CFAP300: variants seen among roughly 807,000 people sequenced by gnomAD.
CFAP300 encodes cilia and flagella associated protein 300, also known as cilia- and flagella-associated protein 300.
Under a neutral mutation model 33.0 loss-of-function variants are expected in CFAP300, and 32 were observed. That is an observed-to-expected ratio of 0.97 (90% CI 0.73 to 1.30). The LOEUF is 1.30. Ranked by LOEUF, CFAP300 falls within the 50% of genes most tolerant of loss-of-function variation. The pLI is 0.00. For missense variants in CFAP300, 356 were observed against 318.1 expected (o/e 1.12, Z -0.90); for synonymous variants, 102 against 106.8 (o/e 0.95, Z 0.28).
intron 6 of CFAP300, among the ~76,000 whole-genome samples, chr11:102,082,680 C>G (rs1942491495): frequency 6.6e-6 from 1 of 152,126 alleles, no homozygotes; most frequent in African/African-American, 2.4e-5. Context: ...TATTGATTAT[C>G]ACTTAAATGT....
chr11:102,066,489 T>C lies in CFAP300; in HGVS notation c.273T>C (p.Thr91=). 2 of 1,584,686 alleles carry C rather than the reference T, an allele frequency of 1.3e-6. No homozygotes were observed. The highest frequency in any genetic ancestry group is 1.2e-5 in the South Asian group (1 of 83,024). ...DSSGQWIILG[T]EVKKIEAINV... is the part of the protein sequence containing the mutation. ...TTATAAAATATCTTTTTTCAGGAACTGAAGTGAAAAAAATTGAAGCTATAA... is the reference window on the plus strand; with the variant it reads ...TTATAAAATATCTTTTTTCAGGAACCGAAGTGAAAAAAATTGAAGCTATAA... Residue 91 remains threonine (T), a synonymous_variant, in exon 4 of 7, where the codon ACT becomes ACC. Coordinates refer to ENST00000434758, the MANE Select transcript of CFAP300 (RefSeq NM_032930.3).
chr11:102,077,129 T>C (rs1942406725), intron 5 of CFAP300, among the ~76,000 whole-genome samples: 1 of 152,112 alleles, frequency 6.6e-6, no homozygotes, highest in African/African-American at 2.4e-5. Flanking sequence ...CACATACTAC[T>C]ACCACTACTA....
intron 4 of CFAP300, among the ~76,000 whole-genome samples, chr11:102,071,269 A>G (rs567734828): frequency 2.0e-5 from 3 of 152,234 alleles, no homozygotes; most frequent in African/African-American, 7.2e-5. Flanking sequence ...AATTGACCCC[A>G]TTAGCATTAT....
At chr11:102,069,046 T>A (rs528953984) in intron 4 of CFAP300, among the ~76,000 whole-genome samples, 12 of 152,252 alleles carry the variant, frequency 7.9e-5, no homozygotes, top group South Asian at 4.2e-4. Flanking sequence ...ACATTTTTTT[T>A]AAAAAAGAAG....
chr11:102,051,808 C>A (rs1941976246), intron 2 of CFAP300, among the ~76,000 whole-genome samples: 1 of 152,184 alleles, frequency 6.6e-6, no homozygotes, highest in Non-Finnish European at 1.5e-5. Context: ...CTCAGCCTCC[C>A]AAAGTGCTGG....
chr11:102,074,280 G>C (rs1942364094), intron 4 of CFAP300, among the ~76,000 whole-genome samples: 1 of 152,192 alleles, frequency 6.6e-6, no homozygotes, highest in Non-Finnish European at 1.5e-5. Context: ...GTGGTCTCCA[G>C]GCAGCTGCCT....
intron 3 of CFAP300, among the ~76,000 whole-genome samples, chr11:102,061,257 C>T (rs1447395133): frequency 1.3e-5 from 2 of 152,170 alleles, no homozygotes; most frequent in Non-Finnish European, 2.9e-5. Flanking sequence ...TCCACTAGCT[C>T]ATTTTTATCT....
chr11:102,082,249 G>A (rs755049130), intron 6 of CFAP300, among the ~76,000 whole-genome samples: 3 of 151,894 alleles, frequency 2.0e-5, no homozygotes, highest in South Asian at 2.1e-4. Flanking sequence ...GGTGGGAGAC[G>A]CCTGTAATCC....
At chr11:102,065,637 C>T (rs750186847) in intron 3 of CFAP300, among the ~76,000 whole-genome samples, 136 of 151,864 alleles carry the variant, frequency 9.0e-4, no homozygotes, top group Non-Finnish European at 1.3e-3. Context: ...CATGGTGGCA[C>T]ATGCCTGTAA....
chr11:102,047,545 G>A lies in CFAP300; in HGVS notation c.75G>A (p.Leu25=). The A allele has an allele frequency of 6.5e-7, 1 of 1,536,024 alleles. No individual in the cohort carries two copies. ...RFLPQKTFQS[L]SSKEITSRLR... ...TGCCTCAGAAAACCTTCCAGTCTCT[G>A]AGCTCTAAGGAGATCACCAGCCGGC... Residue 25 remains leucine (L), a synonymous_variant, in exon 1 of 7, where the codon CTG becomes CTA. Coordinates refer to ENST00000434758, the MANE Select transcript of CFAP300 (RefSeq NM_032930.3).
At chr11:102,060,276 AT>A (rs773964052) in intron 3 of CFAP300, among the ~76,000 whole-genome samples, 1,851 of 129,958 alleles carry the variant, frequency 0.014, 31 homozygotes, top group African/African-American at 0.038. Context: ...CTCAGCCTAA[AT>A]TTTTTTTTTT....
At chr11:102,073,437 G>A (rs1942344325) in intron 4 of CFAP300, among the ~76,000 whole-genome samples, 1 of 152,178 alleles carries the variant, frequency 6.6e-6, no homozygotes, top group African/African-American at 2.4e-5. Context: ...TCCTGGGTGT[G>A]CTTGGGCACT....
chr11:102,053,945 C>A (rs967320182), intron 2 of CFAP300, among the ~76,000 whole-genome samples: 2 of 152,216 alleles, frequency 1.3e-5, no homozygotes, highest in Admixed American at 1.3e-4. Context: ...AGCCTTCATA[C>A]TTACCATTTT....
chr11:102,054,618 A>C (rs994576337), intron 2 of CFAP300, among the ~76,000 whole-genome samples: 1 of 150,326 alleles, frequency 6.7e-6, no homozygotes, highest in Non-Finnish European at 1.5e-5. Context: ...AGTCCCAGCT[A>C]CTTGGGAGAC....
chr11:102,081,447 AGAACAATTT>A (rs1942471819), intron 6 of CFAP300, 166 bp downstream of exon 6: 1 of 643,542 alleles, frequency 1.6e-6, no homozygotes, highest in Non-Finnish European at 2.6e-6. Flanking sequence ...TTTTGTTTGG[AGAACAATTT>A]GAACTTTTTT....
chr11:102,047,711 C>A, intron 1 of CFAP300, 104 bp from the exon 2 acceptor site: 1 of 1,484,858 alleles, frequency 6.7e-7, no homozygotes. Flanking sequence ...TGAGTGAACC[C>A]CGAACCACCC....
chr11:102,080,432 T>G (rs1942457891), intron 5 of CFAP300, among the ~76,000 whole-genome samples: 1 of 152,178 alleles, frequency 6.6e-6, no homozygotes, highest in African/African-American at 2.4e-5. Flanking sequence ...TTTGTTTGTT[T>G]TTGAGATGGA....
At chr11:102,062,743 G>T (rs1942166500) in intron 3 of CFAP300, among the ~76,000 whole-genome samples, 1 of 152,136 alleles carries the variant, frequency 6.6e-6, no homozygotes, top group Admixed American at 6.5e-5. Context: ...AAATGAGAAG[G>T]TTTGTTCTGA....
chr11:102,055,855 G>C (rs946315394), intron 2 of CFAP300, among the ~76,000 whole-genome samples: 1 of 151,290 alleles, frequency 6.6e-6, no homozygotes, highest in African/African-American at 2.4e-5. Context: ...TGTATTTTTA[G>C]AGACAGAGTT....
Sources: gnomAD v4.1 joint callset for allele counts (sites outside exome capture counted in the v4.1 genomes callset) on GRCh38, gnomAD v4.1.1 for gene constraint, MANE v1.5 for transcripts, NCBI Gene and HGNC (gene_info 2026-07-23, HGNC 2026-07-21) for gene names.